The following EPB41L1 variants were observed in gnomAD, a reference collection of about 807,000 sequenced individuals.
The protein encoded by EPB41L1 is band 4.1-like protein 1.
Under a neutral mutation model 97.8 loss-of-function variants are expected in EPB41L1, and 29 were observed. The observed-to-expected ratio is 0.30, with a 90% CI of 0.22 to 0.40. The LOEUF (loss-of-function observed/expected upper bound fraction) is 0.40. Among genes scored for constraint, EPB41L1 ranks in the 10% least tolerant of loss-of-function variants. The pLI is 1.00. For missense variants in EPB41L1, 812 were observed against 1,162.3 expected (o/e 0.70, Z 4.38); for synonymous variants, 383 against 459.2 (o/e 0.83, Z 2.12).
At chr20:36,145,286 G>A (rs1400226256) in intron 2 of EPB41L1, among the ~76,000 whole-genome samples, 1 of 151,862 alleles carries the variant, frequency 6.6e-6, no homozygotes, top group African/African-American at 2.4e-5. Flanking sequence ...AGCTACTTGG[G>A]AGGCTGAGGC....
chr20:36,195,251 C>G lies in EPB41L1; in HGVS notation c.1450-78C>G. On this transcript the variant is annotated intron_variant, in intron 12 of 21. Transcript: ENST00000338074. This position sits in a 1 kb window ranked among gnomAD's most constrained non-coding sequence, Gnocchi z 4.6. ...GCGTGCTCTGGGCTCCTTGCTGGAC[C>G]AAGCCCATCGTGGTATCTCTAATCC... 6.3e-6 allele frequency: 10 copies of G among 1,583,560 alleles called. No individual in the cohort carries two copies. The highest frequency in any genetic ancestry group is 8.7e-6 in the Non-Finnish European group (10 of 1,153,706).
At chr20:36,208,879 C>T (rs2062973324) in intron 14 of EPB41L1, among the ~76,000 whole-genome samples, 1 of 152,154 alleles carries the variant, frequency 6.6e-6, no homozygotes, top group Non-Finnish European at 1.5e-5. Context: ...GTGGAGCTGG[C>T]GTAGCACTCA....
intron 1 of EPB41L1, among the ~76,000 whole-genome samples, chr20:36,156,252 C>G (rs920519990): frequency 6.6e-6 from 1 of 152,186 alleles, no homozygotes; most frequent in Non-Finnish European, 1.5e-5. Flanking sequence ...GAGCACAGTC[C>G]CTGGGATTTC....
At chr20:36,129,701 G>A (rs2059116837) in intron 2 of EPB41L1, among the ~76,000 whole-genome samples, 1 of 152,120 alleles carries the variant, frequency 6.6e-6, no homozygotes, top group Non-Finnish European at 1.5e-5. Context: ...CCTCAGGGCT[G>A]CATTGCAGTT....
intron 17 of EPB41L1, among the ~76,000 whole-genome samples, 168 bp downstream of exon 17, chr20:36,214,608 C>G (rs1256663642): frequency 2.0e-5 from 3 of 152,176 alleles, no homozygotes; most frequent in Non-Finnish European, 4.4e-5. Context: ...TTAGTTGCCA[C>G]AGGACATAGT....
intron 2 of EPB41L1, among the ~76,000 whole-genome samples, chr20:36,132,182 A>C (rs1334741885): frequency 6.6e-6 from 1 of 152,180 alleles, no homozygotes; most frequent in Non-Finnish European, 1.5e-5. Context: ...AAAACAACAC[A>C]AATGGATGAC....
chr20:36,094,968 A>ATT (rs1179706781), intron 1 of EPB41L1, among the ~76,000 whole-genome samples: 13 of 144,962 alleles, frequency 9.0e-5, no homozygotes, highest in African/African-American at 3.0e-4. Context: ...CGCCCAGCTA[A>ATT]TTTTTTTTTT....
Position 36,140,361 on chromosome 20 carries a change from G to A in EPB41L1, c.-10+27881G>A, listed in dbSNP as rs138561240. On this transcript the variant is annotated intron_variant, in intron 2 of 19. Transcript: ENST00000202028. Reference sequence around the variant, plus strand: ...GCTGGGATTACAGGCATGAGCCACCGCACCCAACCAGGATTAAGTGCTTTC... The same window carrying A: ...GCTGGGATTACAGGCATGAGCCACCACACCCAACCAGGATTAAGTGCTTTC... Among the ~76,000 whole-genome samples the A allele has an allele frequency of 9.1e-4, 138 of 151,400 alleles. 1 individual carries two copies. Among genetic ancestry groups the A allele is most frequent in the African/African-American group, 3.1e-3 (128 of 41,274 alleles).
chr20:36,169,789 A>G (rs1454527325), intron 1 of EPB41L1, among the ~76,000 whole-genome samples: 2 of 152,196 alleles, frequency 1.3e-5, no homozygotes. Context: ...TCTAGGCTAT[A>G]GTCCAGATCA....
Position 36,190,771 on chromosome 20 carries a change from A to G in EPB41L1, c.1274A>G (p.Tyr425Cys). 1 of 1,614,116 alleles carries G rather than the reference A, an allele frequency of 6.2e-7. No individual in the cohort carries two copies. The highest frequency in any genetic ancestry group is 8.5e-7 in the Non-Finnish European group (1 of 1,180,032). Reference sequence around the variant, plus strand: ...TTTGAGCGTTCTTCCAGCAAACGGTACACCATGTCCCGCAGCCTTGATGGA... The same window carrying G: ...TTTGAGCGTTCTTCCAGCAAACGGTGCACCATGTCCCGCAGCCTTGATGGA... ...PFFERSSSKR[Y>C]TMSRSLDGAE... The change falls in exon 11 of 22, where the codon TAC (tyrosine) becomes TGC (cysteine). Residue 425 changes from tyrosine (Y) to cysteine (C), a missense_variant. Physicochemically the swap from Tyr to Cys is radical, Grantham distance 194. Around this residue, in one of 3 missense-constraint regions of EPB41L1, gnomAD observed 498 missense variants for 622.7 expected, o/e 0.80. Transcript: ENST00000338074. This position sits in a 1 kb window ranked among gnomAD's most constrained non-coding sequence, Gnocchi z 5.8.
intron 2 of EPB41L1, among the ~76,000 whole-genome samples, chr20:36,144,205 G>A (rs929434092): frequency 6.6e-6 from 1 of 152,132 alleles, no homozygotes; most frequent in Non-Finnish European, 1.5e-5. Flanking sequence ...TACAGGTAAG[G>A]AAATTGAATT....
intron 18 of EPB41L1, among the ~76,000 whole-genome samples, chr20:36,219,433 G>A (rs1030125858): frequency 6.6e-6 from 1 of 152,172 alleles, no homozygotes; most frequent in Non-Finnish European, 1.5e-5. Context: ...ACCTGGCTAT[G>A]ACAGGATGGG....
chr20:36,144,412 A>G (rs1479131357), intron 2 of EPB41L1, among the ~76,000 whole-genome samples: 3 of 152,172 alleles, frequency 2.0e-5, no homozygotes, highest in African/African-American at 7.2e-5. Flanking sequence ...ATCCAACTGA[A>G]CAGGCTTGAG....
intron 1 of EPB41L1, among the ~76,000 whole-genome samples, chr20:36,166,052 A>G (rs2060725743): frequency 6.6e-6 from 1 of 152,260 alleles, no homozygotes; most frequent in South Asian, 2.1e-4. Context: ...GTGTTGAGAT[A>G]AAATAAATCA....
intron 1 of EPB41L1, among the ~76,000 whole-genome samples, chr20:36,101,326 G>C (rs1052934486): frequency 7.2e-5 from 11 of 152,068 alleles, no homozygotes; most frequent in Admixed American, 4.6e-4. Context: ...GTGCAGCCCG[G>C]GAGTCCAGAC....
At chr20:36,136,643 A>T (rs2059428291) in intron 2 of EPB41L1, among the ~76,000 whole-genome samples, 1 of 149,478 alleles carries the variant, frequency 6.7e-6, no homozygotes, top group African/African-American at 2.5e-5. Flanking sequence ...CTGAGTACAC[A>T]GGTGCAATCA....
chr20:36,209,302 G>GT lies in EPB41L1; in HGVS notation c.1669-178dup, dbSNP rs1460150363. The stretch of plus-strand genomic sequence containing the variant: ...GCATCTCCACTCTTGAGTCGTTTTT[G>GT]TTTTTTTTATGCTTGTTATGATTTC... On this transcript the variant is annotated intron_variant, in intron 14 of 21. Coordinates refer to ENST00000338074, the MANE Select transcript of EPB41L1 (RefSeq NM_012156.2). This position sits in a 1 kb window ranked among gnomAD's most constrained non-coding sequence, Gnocchi z 4.2. Among the ~76,000 whole-genome samples, 2 of 148,964 alleles carry GT rather than the reference G, an allele frequency of 1.3e-5. No individual in the cohort carries two copies. The highest frequency in any genetic ancestry group is 2.1e-4 in the East Asian group (1 of 4,806).
exon 2 of EPB41L1, chr20:36,112,427 T>C (rs2058435694): frequency 6.6e-6 from 1 of 152,346 alleles, no homozygotes; most frequent in African/African-American, 2.4e-5. Flanking sequence ...TCCCTCTAGG[T>C]GCCTGACTGA....
Position 36,209,657 on chromosome 20 carries a change from C to T in EPB41L1, c.1838C>T (p.Thr613Met), listed in dbSNP as rs1314384073. The stretch of plus-strand genomic sequence containing the variant: ...TGCTCCAGCATCACGGTCAGCTCTA[C>T]GTCTAGCCTGGAGGCTGAGGTGGAC... Reference protein sequence around the residue: ...RKCSSITVSSTSSLEAEVDFT... With the variant: ...RKCSSITVSSMSSLEAEVDFT... Residue 613 changes from threonine to methionine, a missense_variant, in exon 15 of 22, where the codon ACG (threonine) becomes ATG (methionine). Thr to Met is a moderately conservative substitution (Grantham distance 81). This residue lies in a region of EPB41L1 where 498 missense variants were observed against 622.7 expected (regional missense o/e 0.80). Coordinates refer to ENST00000338074, the MANE Select transcript of EPB41L1 (RefSeq NM_012156.2). This position sits in a 1 kb window ranked among gnomAD's most constrained non-coding sequence, Gnocchi z 4.2. 10 of 1,614,212 alleles carry T rather than the reference C, an allele frequency of 6.2e-6. No homozygotes were observed. Among genetic ancestry groups the T allele is most frequent in the Non-Finnish European group, 7.6e-6 (9 of 1,180,042 alleles).
Sources: gnomAD v4.1 joint callset for allele counts (sites outside exome capture counted in the v4.1 genomes callset) on GRCh38, gnomAD v4.1.1 for gene constraint, gnomAD v4.1.1 regional missense constraint, Gnocchi (gnomAD v3.1) non-coding constraint, MANE v1.5 for transcripts, NCBI Gene and HGNC (gene_info 2026-07-23, HGNC 2026-07-21) for gene names.